The following CROCC variants were observed in gnomAD, a reference collection of about 807,000 sequenced individuals.
CROCC encodes the protein rootletin.
In CROCC, 180 loss-of-function variants were observed where a neutral mutation model predicts 245.2. That is an observed-to-expected ratio of 0.73 (90% CI 0.65 to 0.83). CROCC has a LOEUF of 0.83. CROCC is among the 40% of genes least tolerant of loss of function. CROCC has a pLI of 0.00. For synonymous variants in CROCC, 1,205 were observed against 1,241.6 expected, an observed-to-expected ratio of 0.97 and a Z score of 0.62; for missense variants, 2,688 against 2,779.4, an observed-to-expected ratio of 0.97 and a Z score of 0.74.
At position 16,930,221 on chromosome 1, in the gene CROCC, T is replaced by G. The variant is rs374418441; in HGVS notation, c.621+14T>G. Reference sequence around the variant, plus strand: ...CAGCGGCTGAGGGTGGGTGCCAGTGTGGGGCAGGGGCAGGCCCTGCCCTCC... The same window carrying G: ...CAGCGGCTGAGGGTGGGTGCCAGTGGGGGGCAGGGGCAGGCCCTGCCCTCC... On this transcript the variant is annotated intron_variant, in intron 5 of 36. Coordinates refer to ENST00000375541, the MANE Select transcript of CROCC (RefSeq NM_014675.5). The G allele has an allele frequency of 7.2e-5, 115 of 1,587,648 alleles. No individual in the cohort carries two copies. Among genetic ancestry groups the G allele is most frequent in the African/African-American group, 5.2e-4 (39 of 74,448 alleles).
chr1:16,959,577 C>T (rs1451654295), intron 26 of CROCC, among the ~76,000 whole-genome samples: 2 of 152,232 alleles, frequency 1.3e-5, no homozygotes, highest in Non-Finnish European at 1.5e-5. Context: ...TGGCAACCAG[C>T]TGCTCAGTAG....
upstream of CROCC, chr1:16,921,908 GCTTAAT>G: frequency 8.3e-7 from 1 of 1,201,096 alleles, no homozygotes; most frequent in East Asian, 2.6e-5. Context: ...CCGGATTTAA[GCTTAAT>G]CTGCCTGGTG....
In CROCC at chr1:16,972,486, C is replaced by T. The variant is rs1283189418; in HGVS notation, c.*40C>T. On this transcript the variant is annotated 3_prime_UTR_variant, in exon 37 of 37. Transcript: ENST00000375541. ...CTGGAGAACACCCCTGTGCCTGGGA[C>T]AGGGGAGGACCCTTCTTTTGGACAG... The T allele has an allele frequency of 6.9e-7, 1 of 1,448,886 alleles. No individual in the cohort carries two copies. Among genetic ancestry groups the T allele is most frequent in the Admixed American group, 2.1e-5 (1 of 48,350 alleles). The allele number at this position is 1,448,886 out of a possible 1,614,324, so 89.8% of individuals were successfully genotyped here.
Position 16,968,431 on chromosome 1 carries a change from C to A in CROCC, c.5076+13C>A. On this transcript the variant is annotated intron_variant, in intron 31 of 36. Coordinates refer to ENST00000375541, the MANE Select transcript of CROCC (RefSeq NM_014675.5). Reference sequence around the variant, plus strand: ...CCTGCAGAGACAGGTGGGCCCCTCCCCAAATCACAGCCACAGTGTTCACAT... The same window carrying A: ...CCTGCAGAGACAGGTGGGCCCCTCCACAAATCACAGCCACAGTGTTCACAT... 1 of 1,466,830 alleles carries A rather than the reference C, an allele frequency of 6.8e-7. No individual in the cohort carries two copies. The highest frequency in any genetic ancestry group is 1.4e-5 in the South Asian group (1 of 70,134). The allele number at this position is 1,466,830 out of a possible 1,614,324, so 90.9% of individuals were successfully genotyped here.
chr1:16,943,839 C>T (rs1281199143), intron 13 of CROCC, among the ~76,000 whole-genome samples: 1 of 152,296 alleles, frequency 6.6e-6, no homozygotes, highest in Non-Finnish European at 1.5e-5. Context: ...CCTCTTCTAC[C>T]TGGTAGGGTG....
At chr1:16,969,418 G>C (rs2076475534) in intron 32 of CROCC, 78 bp downstream of exon 32, 2 of 1,400,894 alleles carry the variant, frequency 1.4e-6, no homozygotes, top group Non-Finnish European at 9.8e-7. Flanking sequence ...GGGGGGCCCT[G>C]GTAGAGAGCC....
chr1:16,970,607 C>A lies in CROCC; in HGVS notation c.5653-29C>A, dbSNP rs761915118. 4 of 1,512,618 alleles carry A rather than the reference C, an allele frequency of 2.6e-6. No individual in the cohort carries two copies. In the East Asian group the frequency reaches 9.2e-5, roughly 35 times the overall value. The allele number at this position is 1,512,618 out of a possible 1,614,324, so 93.7% of individuals were successfully genotyped here. On this transcript the variant is annotated intron_variant, in intron 34 of 36. Coordinates refer to ENST00000375541, the MANE Select transcript of CROCC (RefSeq NM_014675.5). ...CCCCCTCAGTAAGCTCCTCCTGGCA[C>A]CCTGATCTCCTGTGGCTCTCCTGCC...
chr1:16,959,159 ATTACAG>A lies in CROCC; in HGVS notation c.4032+410_4032+415del, dbSNP rs781193161. ...TGCCTCAGCCTCCCGAGTATCTGGG[ATTACAG>A]GTGCTTGCCACCACGCCCAGCTAAT... On this transcript the variant is annotated intron_variant, in intron 26 of 36. Coordinates refer to ENST00000375541, the MANE Select transcript of CROCC (RefSeq NM_014675.5). Among the ~76,000 whole-genome samples, 186 of 152,118 alleles carry A rather than the reference ATTACAG, an allele frequency of 1.2e-3. 1 individual carries two copies. The highest frequency in any genetic ancestry group is 2.5e-3 in the Non-Finnish European group (169 of 68,020).
rs1163080690 is a variant in CROCC at position 16,914,188 on chromosome 1, CGGCGGA to C, written n.126-16095_126-16090del. Among the ~76,000 whole-genome samples the C allele has an allele frequency of 2.0e-5, 3 of 151,726 alleles. No individual in the cohort carries two copies. The East Asian group carries it at 5.8e-4, about 29-fold the overall frequency. On this transcript the variant is annotated intron_variant and non_coding_transcript_variant, in intron 1 of 8. Transcript: ENST00000466256. ...CGCGGGGGCGGGACGGACGCGCTCC[CGGCGGA>C]GGAGGCCGCGCGCCTGGGGGCGGGC...
At chr1:16,946,680 G>A (rs1046813828) in intron 16 of CROCC, 81 bp from the exon 17 acceptor site, 94 of 1,406,168 alleles carry the variant, frequency 6.7e-5, no homozygotes, top group Non-Finnish European at 8.4e-5. Context: ...GGCTATTGTT[G>A]CTGGTGGGTG....
upstream of CROCC, among the ~76,000 whole-genome samples, chr1:16,920,138 G>A (rs1308579292): frequency 5.3e-5 from 8 of 152,356 alleles, no homozygotes; most frequent in Non-Finnish European, 1.0e-4. Flanking sequence ...GAGTGCAGTG[G>A]CATGATCTCG....
intron 13 of CROCC, among the ~76,000 whole-genome samples, chr1:16,943,009 G>A (rs551487614): frequency 3.6e-4 from 55 of 152,316 alleles, no homozygotes; most frequent in East Asian, 1.9e-3. Flanking sequence ...TTGGGAGGCC[G>A]AGGCAGGAGG....
chr1:16,921,948 G>T lies in CROCC; in HGVS notation c.-71G>T, dbSNP rs2075415305. ...TGCTCAGCACAGCATCCTGGCTGTGGCGCGTGCTGACTGAGCTAGTCTTGG... is the reference window on the plus strand; with the variant it reads ...TGCTCAGCACAGCATCCTGGCTGTGTCGCGTGCTGACTGAGCTAGTCTTGG... On this transcript the variant is annotated 5_prime_UTR_variant, in exon 1 of 37. Transcript: ENST00000375541. The T allele has an allele frequency of 2.8e-6, 4 of 1,429,784 alleles. No individual in the cohort carries two copies. The highest frequency in any genetic ancestry group is 1.4e-5 in the African/African-American group (1 of 71,842). 88.6% of individuals were successfully genotyped at this position (1,429,784 alleles called of 1,614,324 possible). A position where few individuals can be genotyped will look rare whatever the true frequency, so the allele number is the denominator to read the frequency against.
intron 1 of CROCC, among the ~76,000 whole-genome samples, chr1:16,914,638 G>A (rs1235671414): frequency 6.6e-6 from 1 of 152,296 alleles, no homozygotes; most frequent in Non-Finnish European, 1.5e-5. Context: ...GGCCACGGAG[G>A]CAGGGCCGCC....
In CROCC at chr1:16,955,163, G is replaced by A. The variant is rs115672989; in HGVS notation, c.3466-149G>A. ...GTCAAAACATTACTGATTACAGCAC[G>A]CCTTGCTCAAATGATAACTCACAGC... is the stretch of plus-strand genomic sequence containing the variant. On this transcript the variant is annotated intron_variant, in intron 23 of 36. Coordinates refer to ENST00000375541, the MANE Select transcript of CROCC (RefSeq NM_014675.5). 2.7e-3 allele frequency: 2,113 copies of A among 794,140 alleles called. 23 individuals carry two copies. The African/African-American group carries it at 0.028, about 11-fold the overall frequency. The allele number at this position is 794,140 out of a possible 1,614,324, so 49.2% of individuals were successfully genotyped here.
chr1:16,928,465 G>C (rs1382684231), intron 3 of CROCC, among the ~76,000 whole-genome samples: 1 of 152,220 alleles, frequency 6.6e-6, no homozygotes, highest in African/African-American at 2.4e-5. Flanking sequence ...AGCAGCAACA[G>C]AGGCTTTCCT....
Position 16,939,979 on chromosome 1 carries a change from C to G in CROCC, c.1694C>G (p.Ala565Gly). 6.2e-7 allele frequency: 1 copy of G among 1,612,484 alleles called. No individual in the cohort carries two copies. Among genetic ancestry groups the G allele is most frequent in the Non-Finnish European group, 8.5e-7 (1 of 1,179,764 alleles). ...QLSDSESERR[A>G]LEEQLQRLRD... ...AGCGACAGCGAGAGCGAGCGGCGGG[C>G]CCTAGAGGAACAGCTGCAGCGCCTG... The change falls in exon 13 of 37, where the codon GCC becomes GGC. Residue 565 changes from alanine to glycine, a missense_variant. By Grantham distance (60) the Ala-to-Gly change is moderately conservative. Transcript: ENST00000375541.
rs762172947 is a variant in CROCC at position 16,938,429 on chromosome 1, C to T, written c.1320C>T (p.Ala440=). 8.9e-6 allele frequency: 14 copies of T among 1,578,172 alleles called. No homozygotes were observed. The highest frequency in any genetic ancestry group is 3.5e-5 in the South Asian group (3 of 85,946). Residue 440 remains alanine, a synonymous_variant, in exon 11 of 37, where the codon GCC becomes GCT. Transcript: ENST00000375541. ...LESLRLQEQA[A]LETEDGEGLQ... ...CCCTGCGGCTACAGGAGCAGGCGGC[C>T]CTGGAGACAGAGGATGGAGAGGGGC...
chr1:16,966,541 G>A lies in CROCC; in HGVS notation c.4830G>A (p.Gln1610=). 6.7e-7 allele frequency: 1 copy of A among 1,499,970 alleles called. No homozygotes were observed. Among genetic ancestry groups the A allele is most frequent in the Non-Finnish European group, 8.9e-7 (1 of 1,127,768 alleles). 92.9% of individuals were successfully genotyped at this position (1,499,970 alleles called of 1,614,324 possible). The change falls in exon 30 of 37, where the codon CAG becomes CAA. Residue 1610 remains glutamine (Q), a synonymous_variant. Transcript: ENST00000375541. The surrounding 1 kb of genome is among the most constrained non-coding windows in gnomAD (Gnocchi z 4.8). ...DQVATLERSL[Q]ATESELRASQ... ...TGGCCACACTGGAGAGGAGCCTGCAGGCCACCGAGAGCGAGCTCCGGGCCA... is the reference window on the plus strand; with the variant it reads ...TGGCCACACTGGAGAGGAGCCTGCAAGCCACCGAGAGCGAGCTCCGGGCCA...
Sources: gnomAD v4.1 joint callset for allele counts (sites outside exome capture counted in the v4.1 genomes callset) on GRCh38, gnomAD v4.1.1 for gene constraint, Gnocchi (gnomAD v3.1) non-coding constraint, MANE v1.5 for transcripts, NCBI Gene and HGNC (gene_info 2026-07-23, HGNC 2026-07-21) for gene names.